The following EPB41L4B variants were observed in gnomAD, a reference collection of about 807,000 sequenced individuals.
EPB41L4B encodes the protein band 4.1-like protein 4B.
Under a neutral mutation model 112.5 loss-of-function variants are expected in EPB41L4B, and 30 were observed. The observed-to-expected ratio is 0.27, with a 90% CI of 0.20 to 0.36. EPB41L4B has a LOEUF of 0.36. Ranked by LOEUF, EPB41L4B falls within the 10% of genes least tolerant of loss-of-function variation. The pLI is 1.00. For missense variants in EPB41L4B, 1,024 were observed against 1,133.3 expected (o/e 0.90, Z 1.38); for synonymous variants, 408 against 439.7 (o/e 0.93, Z 0.90).
intron 22 of EPB41L4B, among the ~76,000 whole-genome samples, chr9:109,185,888 C>T (rs892554908): frequency 1.0e-4 from 15 of 149,684 alleles, no homozygotes; most frequent in African/African-American, 3.4e-4. Context: ...AGACCCCATT[C>T]CCAGGCCTGG....
In EPB41L4B at chr9:109,173,203, ATCATAAATTGTCGAGGGGATTCAAGCAT is replaced by A. The variant is rs1831691421; in HGVS notation, c.*1323_*1350del. On this transcript the variant is annotated 3_prime_UTR_variant, in exon 26 of 26. Transcript: ENST00000374566. The stretch of plus-strand genomic sequence containing the variant: ...GAAATGCTTATACATTGCTGGTGGC[ATCATAAATTGTCGAGGGGATTCAAGCAT>A]TCAGAGGGGGTGGGGAGGCTAAACT... The A allele has an allele frequency of 6.5e-6, 1 of 152,676 alleles. No individual in the cohort carries two copies. Among genetic ancestry groups the A allele is most frequent in the African/African-American group, 2.4e-5 (1 of 41,454 alleles). 9.5% of individuals were successfully genotyped at this position (152,676 alleles called of 1,614,324 possible).
At chr9:109,202,742 A>C (rs565683287) in intron 19 of EPB41L4B, among the ~76,000 whole-genome samples, 56 of 152,306 alleles carry the variant, frequency 3.7e-4, no homozygotes, top group Admixed American at 2.5e-3. Context: ...GGATGATGAG[A>C]AATTACTTAA....
At chr9:109,297,921 C>CTT (rs1260005720) in intron 1 of EPB41L4B, among the ~76,000 whole-genome samples, 1 of 152,194 alleles carries the variant, frequency 6.6e-6, no homozygotes, top group African/African-American at 2.4e-5. Flanking sequence ...TTAACCCTGT[C>CTT]TATGGTGAGC....
At chr9:109,319,817 CA>C (rs928027434) in intron 1 of EPB41L4B, among the ~76,000 whole-genome samples, 20 of 151,952 alleles carry the variant, frequency 1.3e-4, no homozygotes, top group African/African-American at 3.6e-4. Flanking sequence ...CCACCCACAC[CA>C]GGGGGGGCGG....
At chr9:109,230,408 C>G (rs1338985430) in intron 15 of EPB41L4B, among the ~76,000 whole-genome samples, 1 of 152,136 alleles carries the variant, frequency 6.6e-6, no homozygotes, top group Non-Finnish European at 1.5e-5. Flanking sequence ...CCTACGTGAC[C>G]TTAGGTAACT....
At chr9:109,294,516 A>C (rs1836658837) in intron 1 of EPB41L4B, among the ~76,000 whole-genome samples, 1 of 151,970 alleles carries the variant, frequency 6.6e-6, no homozygotes, top group South Asian at 2.1e-4. Flanking sequence ...CAGGAGGCTG[A>C]GGTAGGAGGA....
rs961446214 is a variant in EPB41L4B, at chr9:109,281,389, G to A, written c.307-1468C>T. Among the ~76,000 whole-genome samples the A allele has an allele frequency of 3.0e-4, 45 of 152,110 alleles. 1 individual carries two copies. The highest frequency in any genetic ancestry group is 2.8e-3 in the Admixed American group (43 of 15,264). On this transcript the variant is annotated intron_variant, in intron 1 of 25. Transcript: ENST00000374566. ...AATCAAAATTACAATCAAATACTAT[G>A]TCACACTCACTAGGATGGCTGTAAT...
intron 20 of EPB41L4B, among the ~76,000 whole-genome samples, chr9:109,195,840 T>A (rs1832622890): frequency 6.6e-6 from 1 of 152,190 alleles, no homozygotes; most frequent in Non-Finnish European, 1.5e-5. Flanking sequence ...GACTCCAAAT[T>A]CATCATGGTT....
At chr9:109,273,547 C>A (rs1835705005) in intron 2 of EPB41L4B, among the ~76,000 whole-genome samples, 1 of 152,214 alleles carries the variant, frequency 6.6e-6, no homozygotes, top group African/African-American at 2.4e-5. Context: ...ACACCACGCC[C>A]TGTGGCATTT....
intron 18 of EPB41L4B, among the ~76,000 whole-genome samples, chr9:109,205,844 G>C (rs1832975660): frequency 6.6e-6 from 1 of 152,168 alleles, no homozygotes; most frequent in Admixed American, 6.5e-5. Flanking sequence ...CAGAGAGGTT[G>C]ACAAACAAGC....
intron 1 of EPB41L4B, chr9:109,307,103 T>C (rs987098847): frequency 4.6e-5 from 12 of 258,920 alleles, no homozygotes; most frequent in African/African-American, 2.7e-4. Flanking sequence ...ACTGTAACTA[T>C]CTGGAAAACT....
At chr9:109,306,607 AAAACAAACAAAC>A (rs139011604) in intron 1 of EPB41L4B, among the ~76,000 whole-genome samples, 2,711 of 149,994 alleles carry the variant, frequency 0.018, 37 homozygotes, top group Non-Finnish European at 0.029. Context: ...AGCGAGCAAA[AAAACAAACAAAC>A]AAACAAACAA....
rs186606901 is a variant in EPB41L4B, at chr9:109,185,473, C to G, written c.2418+16G>C. 1.6e-5 allele frequency: 25 copies of G among 1,610,620 alleles called. No individual in the cohort carries two copies. In the African/African-American group the frequency reaches 3.3e-4, roughly 21 times the overall value. ...ACCTCTCCTGGCCAGGCCCCTCTCC[C>G]TGCCAGGGTACCTACCAGCCTCGTT... is the stretch of plus-strand genomic sequence containing the variant. On this transcript the variant is annotated intron_variant, in intron 23 of 25. Coordinates refer to ENST00000374566, the MANE Select transcript of EPB41L4B (RefSeq NM_019114.5).
At chr9:109,199,111 A>G (rs765383182) in intron 20 of EPB41L4B, among the ~76,000 whole-genome samples, 2 of 152,250 alleles carry the variant, frequency 1.3e-5, no homozygotes, top group South Asian at 4.1e-4. Flanking sequence ...CTATTCCCTA[A>G]CGATGCCTAG....
chr9:109,267,363 A>G, intron 4 of EPB41L4B, 110 bp downstream of exon 4: 1 of 656,326 alleles, frequency 1.5e-6, no homozygotes, highest in Non-Finnish European at 2.7e-6. Context: ...ACTCTTGCTG[A>G]GAAATAGACA....
intron 19 of EPB41L4B, among the ~76,000 whole-genome samples, chr9:109,201,467 A>G (rs896654287): frequency 4.6e-4 from 69 of 150,020 alleles, no homozygotes; most frequent in Non-Finnish European, 8.0e-4. Context: ...AAAAAAAAAG[A>G]AAAAAAAAGT....
At chr9:109,250,208 A>C (rs1470125) in intron 13 of EPB41L4B, among the ~76,000 whole-genome samples, 135,658 of 152,220 alleles carry the variant, frequency 0.89, 60,558 homozygotes, top group Middle Eastern at 0.96. Flanking sequence ...ATTTGCAAAA[A>C]AGAAAACGGA....
chr9:109,283,938 A>T (rs1836169597), intron 1 of EPB41L4B, among the ~76,000 whole-genome samples: 1 of 151,982 alleles, frequency 6.6e-6, no homozygotes, highest in Non-Finnish European at 1.5e-5. Context: ...AAGTAAAAAA[A>T]AAAAAAAAAA....
chr9:109,198,925 CA>C (rs56042513), intron 20 of EPB41L4B, among the ~76,000 whole-genome samples: 44,549 of 106,638 alleles, frequency 0.42, 6,565 homozygotes, highest in Middle Eastern at 0.5. Flanking sequence ...GGCTCTGTCT[CA>C]AAAAAAAAAA....
Sources: allele counts gnomAD v4.1 joint callset (sites outside exome capture counted in the v4.1 genomes callset), GRCh38; gene constraint gnomAD v4.1.1; transcripts MANE v1.5; gene names NCBI Gene and HGNC (gene_info 2026-07-23, HGNC 2026-07-21).